Variants in PTPRM observed in about 807,000 individuals in gnomAD.
PTPRM encodes receptor-type tyrosine-protein phosphatase mu.
PTPRM carries 47 observed loss-of-function variants against 186.7 expected under a neutral mutation model. The observed-to-expected ratio is 0.25, with a 90% CI of 0.20 to 0.32. PTPRM has a LOEUF of 0.32. Ranked by LOEUF, PTPRM falls within the 10% of genes least tolerant of loss-of-function variation. The probability of loss-of-function intolerance (pLI) is 1.00; values close to 1 mark genes in which losing one functional copy is unlikely to be tolerated. For synonymous variants in PTPRM, 668 were observed against 674.9 expected, an observed-to-expected ratio of 0.99 and a Z score of 0.16; for missense variants, 1,494 against 1,865.0, an observed-to-expected ratio of 0.80 and a Z score of 3.66.
chr18:8,271,798 A>C (rs2094774599), intron 19 of PTPRM, among the ~76,000 whole-genome samples: 1 of 151,828 alleles, frequency 6.6e-6, no homozygotes, highest in African/African-American at 2.4e-5. Flanking sequence ...TATCTTTTTA[A>C]TTTGTTTCTA....
At chr18:7,835,832 T>C (rs2046018131) in intron 2 of PTPRM, among the ~76,000 whole-genome samples, 1 of 152,000 alleles carries the variant, frequency 6.6e-6, no homozygotes, top group South Asian at 2.1e-4. Flanking sequence ...ACCTTCTTTG[T>C]CTCTTAAAGT....
intron 1 of PTPRM, among the ~76,000 whole-genome samples, chr18:7,576,065 TGAGAG>T (rs1402369217): frequency 1.3e-5 from 2 of 152,112 alleles, no homozygotes; most frequent in Non-Finnish European, 2.9e-5. Flanking sequence ...GAGAGATGAA[TGAGAG>T]GAGAGGAGTC....
intron 1 of PTPRM, among the ~76,000 whole-genome samples, chr18:7,704,318 G>A (rs1568040176): frequency 6.6e-6 from 1 of 152,080 alleles, no homozygotes; most frequent in Non-Finnish European, 1.5e-5. Flanking sequence ...ATTTTTGGTT[G>A]GTAGGCTATT....
chr18:7,832,958 A>C (rs946692624), intron 2 of PTPRM, among the ~76,000 whole-genome samples: 1 of 152,062 alleles, frequency 6.6e-6, no homozygotes, highest in Admixed American at 6.5e-5. Flanking sequence ...TGGGTTCTCT[A>C]TTCTGTTCCA....
At chr18:7,604,035 T>C (rs1015365560) in intron 1 of PTPRM, among the ~76,000 whole-genome samples, 2 of 152,216 alleles carry the variant, frequency 1.3e-5, no homozygotes, top group Admixed American at 6.5e-5. Context: ...AGATGTGCTG[T>C]TTTTCTTTTT....
intron 7 of PTPRM, among the ~76,000 whole-genome samples, chr18:8,033,889 C>T (rs899720784): frequency 6.6e-6 from 1 of 152,134 alleles, no homozygotes; most frequent in African/African-American, 2.4e-5. Context: ...TTGGCAGGGC[C>T]GTGCTCCTTT....
intron 7 of PTPRM, among the ~76,000 whole-genome samples, chr18:7,977,612 G>A (rs1028901154): frequency 3.3e-5 from 5 of 152,140 alleles, no homozygotes; most frequent in African/African-American, 1.2e-4. Context: ...TTTGCTTACT[G>A]CCCATAATAA....
At chr18:7,866,190 G>A (rs1296968855) in intron 2 of PTPRM, among the ~76,000 whole-genome samples, 3 of 151,934 alleles carry the variant, frequency 2.0e-5, no homozygotes, top group Non-Finnish European at 4.4e-5. Context: ...GTCTTTTTCA[G>A]TTCTGCTCTG....
intron 20 of PTPRM, among the ~76,000 whole-genome samples, chr18:8,300,685 T>A (rs145634309): frequency 0.01 from 1,524 of 152,260 alleles, 11 homozygotes; most frequent in Non-Finnish European, 0.015. Flanking sequence ...ACCCATGACC[T>A]CTGGGGCTAC....
chr18:7,753,603 G>GT (rs2041330278), intron 1 of PTPRM, among the ~76,000 whole-genome samples: 2 of 152,170 alleles, frequency 1.3e-5, no homozygotes, highest in Admixed American at 1.3e-4. Flanking sequence ...TAAGAGATCA[G>GT]TAAGTATCAA....
At chr18:8,259,692 G>C (rs1231730390) in intron 19 of PTPRM, among the ~76,000 whole-genome samples, 1 of 151,966 alleles carries the variant, frequency 6.6e-6, no homozygotes, top group Non-Finnish European at 1.5e-5. Context: ...GGCCCACCCA[G>C]GCTGGAGTGC....
At chr18:7,673,303 T>C (rs1045832241) in intron 1 of PTPRM, among the ~76,000 whole-genome samples, 2 of 152,228 alleles carry the variant, frequency 1.3e-5, no homozygotes, top group African/African-American at 4.8e-5. Flanking sequence ...GAAGACAAAT[T>C]ATCTCACCAA....
At chr18:7,824,620 T>C (rs2045386468) in intron 2 of PTPRM, among the ~76,000 whole-genome samples, 1 of 152,226 alleles carries the variant, frequency 6.6e-6, no homozygotes, top group Non-Finnish European at 1.5e-5. Context: ...ATCAGCAAGG[T>C]ACATTTTTAA....
At chr18:8,312,700 C>G (rs143419528) in intron 20 of PTPRM, among the ~76,000 whole-genome samples, 108 of 152,184 alleles carry the variant, frequency 7.1e-4, no homozygotes, top group African/African-American at 2.3e-3. Flanking sequence ...TCTAACCCAC[C>G]AGCAGCGATT....
chr18:8,384,518 T>C, intron 29 of PTPRM, 43 bp from the exon 30 acceptor site: 1 of 1,609,286 alleles, frequency 6.2e-7, no homozygotes, highest in Non-Finnish European at 8.5e-7. Context: ...AGGAGTAAAT[T>C]TCCTCTTATA....
chr18:8,334,913 G>A (rs2095430447), intron 22 of PTPRM, among the ~76,000 whole-genome samples: 1 of 152,108 alleles, frequency 6.6e-6, no homozygotes, highest in Admixed American at 6.6e-5. Flanking sequence ...ATCCTCAGCT[G>A]CTGATGGCTG....
At chr18:7,701,470 C>T (rs548296787) in intron 1 of PTPRM, among the ~76,000 whole-genome samples, 7 of 140,820 alleles carry the variant, frequency 5.0e-5, no homozygotes, top group South Asian at 2.3e-4. Flanking sequence ...CGTGGTGGCG[C>T]GTGCGTGTAG....
intron 11 of PTPRM, among the ~76,000 whole-genome samples, chr18:8,101,536 G>A (rs947094019): frequency 6.6e-6 from 1 of 152,160 alleles, no homozygotes; most frequent in Admixed American, 6.5e-5. Context: ...AATAATCATG[G>A]TTACTTGGAT....
intron 4 of PTPRM, among the ~76,000 whole-genome samples, chr18:7,926,357 C>G (rs1004925638): frequency 5.3e-5 from 8 of 152,068 alleles, no homozygotes; most frequent in African/African-American, 1.9e-4. Context: ...GAATGCTTGG[C>G]TTTTTGTTAT....
Sources: allele counts gnomAD v4.1 joint callset (sites outside exome capture counted in the v4.1 genomes callset), GRCh38; gene constraint gnomAD v4.1.1; transcripts MANE v1.5; gene names NCBI Gene and HGNC (gene_info 2026-07-23, HGNC 2026-07-21).